The following SH3GLB2 variants were observed in gnomAD, a reference collection of about 807,000 sequenced individuals.
SH3GLB2 encodes the protein SH3 domain containing GRB2 like, endophilin B2, also known as endophilin-B2.
SH3GLB2 carries 24 observed loss-of-function variants against 48.0 expected under a neutral mutation model. The observed-to-expected ratio is 0.50, with a 90% CI of 0.36 to 0.70. The LOEUF (loss-of-function observed/expected upper bound fraction) is 0.70. SH3GLB2 is among the 30% of genes least tolerant of loss of function. The probability of loss-of-function intolerance (pLI) is 0.00; values close to 1 mark genes in which losing one functional copy is unlikely to be tolerated. For synonymous variants in SH3GLB2, 227 were observed against 207.6 expected (o/e 1.09, Z -0.80); for missense variants, 425 against 516.0 (o/e 0.82, Z 1.71).
In SH3GLB2 at chr9:129,018,079, G is replaced by A. The variant is rs181891765; in HGVS notation, c.334+3012C>T. 6.6e-5 allele frequency among the ~76,000 whole-genome samples: 10 copies of A among 152,136 alleles called. No individual in the cohort carries two copies. The East Asian group carries it at 1.5e-3, about 24-fold the overall frequency. On this transcript the variant is annotated intron_variant, in intron 3 of 10. Transcript: ENST00000372564. ...TGCACTCCAGCCTGGGCGACAGAGC[G>A]AGACTCCATCTCAAAATAATAATAA...
chr9:129,015,005 G>A (rs1320390675), intron 3 of SH3GLB2, 101 bp from the exon 4 acceptor site: 5 of 1,476,678 alleles, frequency 3.4e-6, no homozygotes, highest in Non-Finnish European at 4.6e-6. Context: ...GCAAGGGCCG[G>A]GGTGCTCAGT....
At position 129,019,929 on chromosome 9, in the gene SH3GLB2, T is replaced by C. The variant is rs538313743; in HGVS notation, c.334+1162A>G. Among the ~76,000 whole-genome samples the C allele has an allele frequency of 6.0e-5, 9 of 149,758 alleles. No homozygotes were observed. The South Asian group carries it at 1.5e-3, about 25-fold the overall frequency. ...GTTAAAAAGTCAGGTTCCAGCCGGG[T>C]GCGGTGGCTCATGCCCGTAATCCCA... On this transcript the variant is annotated intron_variant, in intron 3 of 10. Transcript: ENST00000372564.
rs1244185857 is a variant in SH3GLB2 at position 129,010,677 on chromosome 9, A to T, written c.641T>A (p.Val214Glu). Residue 214 changes from valine to glutamate, a missense_variant, in exon 7 of 11, where the codon GTG (valine) becomes GAG (glutamate). By Grantham distance (121) the Val-to-Glu change is moderately radical. Transcript: ENST00000372564. ...ASASALWNDE[V>E]DKAEQELRVA... ...CCCCAGGCCCCAACTTACCTTGTCCACTTCATCATTCCAGAGCTGTGGAGA... is the reference window on the plus strand; with the variant it reads ...CCCCAGGCCCCAACTTACCTTGTCCTCTTCATCATTCCAGAGCTGTGGAGA... The T allele has an allele frequency of 6.2e-7, 1 of 1,612,406 alleles. No homozygotes were observed. Among genetic ancestry groups the T allele is most frequent in the Admixed American group, 1.7e-5 (1 of 59,870 alleles).
chr9:129,020,228 A>G (rs1843700645), intron 3 of SH3GLB2, among the ~76,000 whole-genome samples: 1 of 149,812 alleles, frequency 6.7e-6, no homozygotes, highest in African/African-American at 2.5e-5. Context: ...AAAAAAAAAA[A>G]AAAAGTCAGG....
At chr9:129,016,389 G>A (rs1384097885) in intron 3 of SH3GLB2, among the ~76,000 whole-genome samples, 3 of 146,906 alleles carry the variant, frequency 2.0e-5, no homozygotes, top group Non-Finnish European at 3.0e-5. Flanking sequence ...GGCCGGGTGC[G>A]GTGGCTCACA....
rs776427434 is a variant in SH3GLB2, at chr9:129,008,918, G to A, written c.1081-127C>T. 460 of 1,263,710 alleles carry A rather than the reference G, an allele frequency of 3.6e-4. 1 individual carries two copies. The highest frequency in any genetic ancestry group is 4.8e-4 in the Non-Finnish European group (436 of 903,586). 78.3% of individuals were successfully genotyped at this position (1,263,710 alleles called of 1,614,324 possible). A position where few individuals can be genotyped will look rare whatever the true frequency, so the allele number is the denominator to read the frequency against. ...ATGTGCTACACCTTCAGTGGCTGGC[G>A]CTCATCTCACTTGCTCCAGAGACCC... On this transcript the variant is annotated intron_variant, in intron 10 of 10. Coordinates refer to ENST00000372564, the MANE Select transcript of SH3GLB2 (RefSeq NM_020145.4).
At chr9:129,012,985 G>A in intron 5 of SH3GLB2, 1 of 1,551,046 alleles carries the variant, frequency 6.4e-7, no homozygotes, top group Non-Finnish European at 8.7e-7. Flanking sequence ...AAGCAGCACA[G>A]CGCGTGGGAC....
At chr9:129,020,562 CTG>C (rs1412387515) in intron 3 of SH3GLB2, among the ~76,000 whole-genome samples, 1 of 142,690 alleles carries the variant, frequency 7.0e-6, no homozygotes, top group African/African-American at 2.6e-5. Flanking sequence ...TGGAGTGAAA[CTG>C]TGTCTCAAAA....
Position 129,008,639 on chromosome 9 carries a change from C to G in SH3GLB2, c.*45G>C, listed in dbSNP as rs1218067453. Reference sequence around the variant, plus strand: ...AGTTAAGTGGCAGGGCTGCGCCCATCCTCTCCTGCCTAGGCCAGAATGCGG... The same window carrying G: ...AGTTAAGTGGCAGGGCTGCGCCCATGCTCTCCTGCCTAGGCCAGAATGCGG... On this transcript the variant is annotated 3_prime_UTR_variant, in exon 11 of 11. Transcript: ENST00000372564. 1 of 1,471,396 alleles carries G rather than the reference C, an allele frequency of 6.8e-7. No individual in the cohort carries two copies. Among genetic ancestry groups the G allele is most frequent in the Non-Finnish European group, 9.5e-7 (1 of 1,052,064 alleles). The allele number at this position is 1,471,396 out of a possible 1,614,324, so 91.1% of individuals were successfully genotyped here. A position where few individuals can be genotyped will look rare whatever the true frequency, so the allele number is the denominator to read the frequency against.
chr9:129,024,552 GTC>G (rs1844024617), intron 1 of SH3GLB2, among the ~76,000 whole-genome samples: 1 of 139,304 alleles, frequency 7.2e-6, no homozygotes, highest in African/African-American at 2.8e-5. Context: ...GTGCGACTCA[GTC>G]TCAAAAAAAA....
intron 3 of SH3GLB2, among the ~76,000 whole-genome samples, chr9:129,016,779 T>C (rs1027938167): frequency 1.3e-5 from 2 of 151,870 alleles, no homozygotes; most frequent in African/African-American, 4.8e-5. Context: ...TAACACAAAA[T>C]AGTACTAGAG....
Position 129,022,380 on chromosome 9 carries a change from T to G in SH3GLB2, c.107A>C (p.Asp36Ala). ...GGCCAGAAGGTTTTCAAAGTGGGCA[T>G]CAAGCTCAGTCTTCTCAGCCTGGCC... ...KFGQAEKTELDAHFENLLARA... is the reference protein window; with the variant it reads ...KFGQAEKTELAAHFENLLARA... Residue 36 changes from aspartate (D) to alanine (A), a missense_variant, in exon 2 of 11, where the codon GAT becomes GCT. Transcript: ENST00000372564. The G allele has an allele frequency of 6.2e-7, 1 of 1,613,698 alleles. No individual in the cohort carries two copies. The highest frequency in any genetic ancestry group is 8.5e-7 in the Non-Finnish European group (1 of 1,179,888).
At chr9:129,018,253 T>C (rs1023788684) in intron 3 of SH3GLB2, among the ~76,000 whole-genome samples, 1 of 152,132 alleles carries the variant, frequency 6.6e-6, no homozygotes, top group Admixed American at 6.6e-5. Flanking sequence ...TACAGCTACT[T>C]TGGAAAACAG....
chr9:129,010,439 G>A (rs528097430), intron 7 of SH3GLB2: 11 of 641,408 alleles, frequency 1.7e-5, no homozygotes, highest in Admixed American at 5.7e-5. Flanking sequence ...ATCACCCATC[G>A]GAGAAATCCA....
chr9:129,010,091 G>T, intron 8 of SH3GLB2, 29 bp downstream of exon 8: 1 of 1,600,506 alleles, frequency 6.2e-7, no homozygotes, highest in Non-Finnish European at 8.6e-7. Context: ...TGAGGGTTAG[G>T]TTTAGTGAGG....
At chr9:129,019,583 G>A (rs1305060827) in intron 3 of SH3GLB2, among the ~76,000 whole-genome samples, 1 of 150,218 alleles carries the variant, frequency 6.7e-6, no homozygotes, top group Non-Finnish European at 1.5e-5. Flanking sequence ...GTGGGCGTGT[G>A]CAATCCTAGC....
chr9:129,019,525 GT>G (rs1233037037), intron 3 of SH3GLB2, among the ~76,000 whole-genome samples: 1 of 151,930 alleles, frequency 6.6e-6, no homozygotes, highest in East Asian at 1.9e-4. Flanking sequence ...GGATAACATG[GT>G]GAAACCCGGT....
In SH3GLB2 at chr9:129,014,677, G is replaced by A. The variant is rs1843321265; in HGVS notation, c.468+94C>T. The A allele has an allele frequency of 1.3e-6, 2 of 1,547,360 alleles. No individual in the cohort carries two copies. Among genetic ancestry groups the A allele is most frequent in the African/African-American group, 2.8e-5 (2 of 72,720 alleles). On this transcript the variant is annotated intron_variant, in intron 4 of 10. Coordinates refer to ENST00000372564, the MANE Select transcript of SH3GLB2 (RefSeq NM_020145.4). This position sits in a 1 kb window ranked among gnomAD's most constrained non-coding sequence, Gnocchi z 4.1. ...TCTCTGGGGAGGCCTCAGGAGTTTT[G>A]TAGCCCCAGCACTGGAAGAGAGCCT...
chr9:129,027,681 C>T (rs1341613307), intron 1 of SH3GLB2, among the ~76,000 whole-genome samples: 2 of 152,230 alleles, frequency 1.3e-5, no homozygotes, highest in African/African-American at 4.8e-5. Context: ...GAGACTGAGG[C>T]TCGGAGAAGG....
Sources: allele counts gnomAD v4.1 joint callset (sites outside exome capture counted in the v4.1 genomes callset), GRCh38; gene constraint gnomAD v4.1.1; non-coding constraint Gnocchi (gnomAD v3.1); transcripts MANE v1.5; gene names NCBI Gene and HGNC (gene_info 2026-07-23, HGNC 2026-07-21).